Variants in NDUFV2 observed in about 807,000 individuals in gnomAD.
NDUFV2 encodes NADH dehydrogenase [ubiquinone] flavoprotein 2, mitochondrial.
In NDUFV2, 18 loss-of-function variants were observed where a neutral mutation model predicts 31.6. The observed-to-expected ratio is 0.57, with a 90% confidence interval of 0.39 to 0.84. NDUFV2 has a LOEUF of 0.84. NDUFV2 is among the 40% of genes least tolerant of loss of function. The pLI is 0.00. For synonymous variants in NDUFV2, 83 were observed against 99.8 expected, an observed-to-expected ratio of 0.83 and a Z score of 1.01; for missense variants, 314 against 303.6, an observed-to-expected ratio of 1.03 and a Z score of -0.26.
At chr18:9,123,237 A>T (rs1310725664) in intron 5 of NDUFV2, among the ~76,000 whole-genome samples, 3 of 152,222 alleles carry the variant, frequency 2.0e-5, no homozygotes, top group African/African-American at 2.4e-5. Context: ...ATATTTTGTT[A>T]TTGAATATAA....
chr18:9,104,088 G>A (rs2077828839), intron 1 of NDUFV2: 1 of 1,558,462 alleles, frequency 6.4e-7, no homozygotes. Flanking sequence ...GTTTCAAGGT[G>A]CATAAGATTT....
At chr18:9,133,472 T>TGA (rs778813608) in intron 7 of NDUFV2, 7 of 152,312 alleles carry the variant, frequency 4.6e-5, no homozygotes, top group Non-Finnish European at 8.8e-5. Flanking sequence ...CATCAGGACT[T>TGA]GTTCTTGTTT....
rs571214177 is a variant in NDUFV2, at chr18:9,116,978, C to T, written c.55-860C>T. The stretch of plus-strand genomic sequence containing the variant: ...TGCAGCTGAGAGAATAATCAGATTC[C>T]TTCCAAAGCAACTGAACATTGTCAG... On this transcript the variant is annotated intron_variant, in intron 1 of 7. Coordinates refer to ENST00000318388, the MANE Select transcript of NDUFV2 (RefSeq NM_021074.5). Among the ~76,000 whole-genome samples, 15 of 151,768 alleles carry T rather than the reference C, an allele frequency of 9.9e-5. No homozygotes were observed. The East Asian group carries it at 2.9e-3, about 29-fold the overall frequency.
At chr18:9,126,975 T>A in intron 7 of NDUFV2, 68 bp downstream of exon 7, 2 of 1,251,684 alleles carry the variant, frequency 1.6e-6, no homozygotes, top group Non-Finnish European at 2.3e-6. Flanking sequence ...TAAACTTGAT[T>A]TAAAAAATTT....
At chr18:9,127,719 G>A (rs975754857) in intron 7 of NDUFV2, among the ~76,000 whole-genome samples, 2 of 152,110 alleles carry the variant, frequency 1.3e-5, no homozygotes, top group East Asian at 1.9e-4. Flanking sequence ...TGATCTGCCC[G>A]CTTCAGACTC....
At chr18:9,115,355 A>T (rs894162775) in intron 1 of NDUFV2, among the ~76,000 whole-genome samples, 3 of 152,028 alleles carry the variant, frequency 2.0e-5, no homozygotes, top group Non-Finnish European at 4.4e-5. Flanking sequence ...CAGTTTCTAC[A>T]TGATTATTTT....
At chr18:9,130,978 G>T (rs4798772) in intron 7 of NDUFV2, among the ~76,000 whole-genome samples, 15 of 152,120 alleles carry the variant, frequency 9.9e-5, no homozygotes, top group African/African-American at 1.9e-4. Context: ...GACATTGATT[G>T]CTCATGCAGT....
chr18:9,120,719 A>G (rs935830653), intron 4 of NDUFV2, among the ~76,000 whole-genome samples: 2 of 152,188 alleles, frequency 1.3e-5, no homozygotes, highest in Non-Finnish European at 2.9e-5. Flanking sequence ...GTGAGTTACT[A>G]TCCTGAGTAA....
At chr18:9,128,643 A>G (rs545501908) in intron 7 of NDUFV2, among the ~76,000 whole-genome samples, 5 of 152,268 alleles carry the variant, frequency 3.3e-5, no homozygotes, top group South Asian at 2.1e-4. Flanking sequence ...TAGTGCTCCT[A>G]TCCCTTACTT....
At chr18:9,117,522 A>C (rs2077904578) in intron 1 of NDUFV2, 1 of 302,726 alleles carries the variant, frequency 3.3e-6, no homozygotes, top group Non-Finnish European at 6.3e-6. Flanking sequence ...GAAAGTCAAG[A>C]AGTTAATAGT....
rs1288037360 is a variant in NDUFV2 at position 9,119,563 on chromosome 18, G to A, written c.273G>A (p.Gly91=). ...PVLDLAQRQN[G]WLPISAMNKV... is the part of the protein sequence containing the mutation. ...TGGATTTAGCCCAAAGGCAGAATGG[G>A]TGGTTGCCCATCTCTGCTATGAACA... Residue 91 remains glycine (G), a synonymous_variant, in exon 4 of 8, where the codon GGG becomes GGA. Coordinates refer to ENST00000318388, the MANE Select transcript of NDUFV2 (RefSeq NM_021074.5). 2.5e-6 allele frequency: 4 copies of A among 1,613,542 alleles called. No homozygotes were observed. The highest frequency in any genetic ancestry group is 2.7e-5 in the African/African-American group (2 of 74,924).
intron 1 of NDUFV2, chr18:9,103,278 T>A (rs1420099349): frequency 2.5e-6 from 1 of 397,150 alleles, no homozygotes; most frequent in African/African-American, 2.1e-5. Context: ...AATGTTTGAT[T>A]TACTGCAGTT....
intron 1 of NDUFV2, among the ~76,000 whole-genome samples, chr18:9,106,946 TGGTAAGAA>T (rs985369528): frequency 6.6e-6 from 1 of 152,208 alleles, no homozygotes; most frequent in Non-Finnish European, 1.5e-5. Flanking sequence ...CCTTGCCTCT[TGGTAAGAA>T]CCCTGTGATT....
intron 1 of NDUFV2, among the ~76,000 whole-genome samples, chr18:9,104,596 G>C (rs545551258): frequency 6.6e-6 from 1 of 152,308 alleles, no homozygotes; most frequent in South Asian, 2.1e-4. Flanking sequence ...TAATGAAAAA[G>C]AACAACTTGA....
rs959228803 is a variant in NDUFV2 at position 9,134,319 on chromosome 18, T to C, written c.*40T>C. 2 of 1,415,370 alleles carry C rather than the reference T, an allele frequency of 1.4e-6. No individual in the cohort carries two copies. The highest frequency in any genetic ancestry group is 2.8e-5 in the African/African-American group (2 of 70,734). 87.7% of individuals were successfully genotyped at this position (1,415,370 alleles called of 1,614,324 possible). A position where few individuals can be genotyped will look rare whatever the true frequency, so the allele number is the denominator to read the frequency against. ...TAAATATGTCACTAGAGAAATAAAATATGGACTTCCAATCTACGTAAACTT... is the reference window on the plus strand; with the variant it reads ...TAAATATGTCACTAGAGAAATAAAACATGGACTTCCAATCTACGTAAACTT... On this transcript the variant is annotated 3_prime_UTR_variant, in exon 8 of 8. Transcript: ENST00000318388.
chr18:9,112,209 G>T lies in NDUFV2; in HGVS notation c.55-5629G>T, dbSNP rs372690434. 1.8e-4 allele frequency among the ~76,000 whole-genome samples: 28 copies of T among 151,680 alleles called. No individual in the cohort carries two copies. In the East Asian group the frequency reaches 5.1e-3, roughly 27 times the overall value. On this transcript the variant is annotated intron_variant, in intron 1 of 7. Coordinates refer to ENST00000318388, the MANE Select transcript of NDUFV2 (RefSeq NM_021074.5). ...AATTTTTGTATTTTTAGTAGAGATG[G>T]GGTTTCACCATATTGGCCAGGCTGA...
rs370594505 is a variant in NDUFV2, at chr18:9,119,392, T to C, written c.183+4T>C. On this transcript the variant is annotated splice_donor_region_variant and intron_variant, in intron 3 of 7. Coordinates refer to ENST00000318388, the MANE Select transcript of NDUFV2 (RefSeq NM_021074.5). ...TTTCACACCAGAAAACTATAAGGTA[T>C]GGCTAAATTAACATTATAATTAATT... 5.7e-5 allele frequency: 91 copies of C among 1,608,238 alleles called. No homozygotes were observed. The African/African-American group carries it at 1.1e-3, about 19-fold the overall frequency.
rs781534334 is a variant in NDUFV2, at chr18:9,124,964, A to G, written c.560A>G (p.Gln187Arg). ...LGACVNAPMV[Q>R]INDNYYEDLT... Reference sequence around the variant, plus strand: ...GCCTGTGTGAACGCACCAATGGTTCAAATAAATGACAATTACTATGTGAGT... The same window carrying G: ...GCCTGTGTGAACGCACCAATGGTTCGAATAAATGACAATTACTATGTGAGT... Residue 187 changes from glutamine to arginine, a missense_variant, in exon 6 of 8, where the codon CAA becomes CGA. Physicochemically the swap from Gln to Arg is conservative, Grantham distance 43. Coordinates refer to ENST00000318388, the MANE Select transcript of NDUFV2 (RefSeq NM_021074.5). The G allele has an allele frequency of 1.9e-6, 3 of 1,613,734 alleles. No homozygotes were observed. The highest frequency in any genetic ancestry group is 2.5e-6 in the Non-Finnish European group (3 of 1,179,736).
chr18:9,113,951 A>G (rs117077469), intron 1 of NDUFV2, among the ~76,000 whole-genome samples: 2,326 of 152,306 alleles, frequency 0.015, 32 homozygotes, highest in Non-Finnish European at 0.024. Flanking sequence ...TCCTGCTACA[A>G]TGGGAGTGAC....
Sources: allele counts gnomAD v4.1 joint callset (sites outside exome capture counted in the v4.1 genomes callset), GRCh38; gene constraint gnomAD v4.1.1; transcripts MANE v1.5; gene names NCBI Gene and HGNC (gene_info 2026-07-23, HGNC 2026-07-21).